The following TLK1 variants were observed in gnomAD, a reference collection of about 807,000 sequenced individuals.
TLK1 encodes the protein serine/threonine-protein kinase tousled-like 1.
Under a neutral mutation model 105.3 loss-of-function variants are expected in TLK1, and 24 were observed. That is an observed-to-expected ratio of 0.23 (90% CI 0.17 to 0.32). TLK1 has a LOEUF of 0.32. TLK1 is among the 10% of genes least tolerant of loss of function. The pLI is 1.00. For missense variants in TLK1, 558 were observed against 910.5 expected, an observed-to-expected ratio of 0.61 and a Z score of 4.98; for synonymous variants, 321 against 310.4, an observed-to-expected ratio of 1.03 and a Z score of -0.36.
At chr2:171,027,263 C>CTA in intron 12 of TLK1, among the ~76,000 whole-genome samples, 1 of 151,984 alleles carries the variant, frequency 6.6e-6, no homozygotes, top group South Asian at 2.1e-4. Flanking sequence ...ATAATTCAGC[C>CTA]TATTTAAAAA....
At chr2:171,075,185 A>G (rs1688444422) in intron 3 of TLK1, among the ~76,000 whole-genome samples, 2 of 152,162 alleles carry the variant, frequency 1.3e-5, no homozygotes, top group South Asian at 4.1e-4. Context: ...GCTAAGCACT[A>G]AGCATTAAGA....
At chr2:171,105,282 C>T (rs1178536256) in intron 2 of TLK1, among the ~76,000 whole-genome samples, 1 of 152,190 alleles carries the variant, frequency 6.6e-6, no homozygotes, top group African/African-American at 2.4e-5. Flanking sequence ...TTACAAGGAA[C>T]TCAAACAACT....
At chr2:171,012,687 C>T (rs113257222) in intron 13 of TLK1, among the ~76,000 whole-genome samples, 10,076 of 152,160 alleles carry the variant, frequency 0.066, 428 homozygotes, top group South Asian at 0.16. Flanking sequence ...CCATATTGGC[C>T]AGGCTGGTCT....
Position 171,003,520 on chromosome 2 carries a change from T to C in TLK1, c.1904+2627A>G, listed in dbSNP as rs185640848. 2.4e-3 allele frequency among the ~76,000 whole-genome samples: 369 copies of C among 152,296 alleles called. 1 individual carries two copies. Among genetic ancestry groups the C allele is most frequent in the Non-Finnish European group, 4.3e-3 (291 of 68,020 alleles). On this transcript the variant is annotated intron_variant, in intron 18 of 20. Coordinates refer to ENST00000431350, the MANE Select transcript of TLK1 (RefSeq NM_012290.5). ...TTGAGAGCACTTCCATCATTACTGG[T>C]GTTATTCAAGGTTGACAATATTGCA...
At chr2:171,042,832 A>C (rs2105417112) in intron 11 of TLK1, among the ~76,000 whole-genome samples, 1 of 152,326 alleles carries the variant, frequency 6.6e-6, no homozygotes, top group South Asian at 2.1e-4. Context: ...AAGTCACAGA[A>C]GCAAGAAAGC....
chr2:171,174,269 C>T (rs1321828963), intron 1 of TLK1, among the ~76,000 whole-genome samples: 1 of 152,092 alleles, frequency 6.6e-6, no homozygotes, highest in Non-Finnish European at 1.5e-5. Flanking sequence ...CCTTTGCCTT[C>T]CTCCAGCTTG....
At chr2:171,146,577 A>G (rs1389478971) in intron 1 of TLK1, among the ~76,000 whole-genome samples, 1 of 152,224 alleles carries the variant, frequency 6.6e-6, no homozygotes, top group African/African-American at 2.4e-5. Flanking sequence ...CATCACTACC[A>G]TATATTCTCA....
intron 2 of TLK1, among the ~76,000 whole-genome samples, chr2:171,087,019 G>A (rs949181047): frequency 1.3e-5 from 2 of 152,148 alleles, no homozygotes; most frequent in African/African-American, 4.8e-5. Flanking sequence ...GGGAGACATA[G>A]CTTAAATTTC....
chr2:171,071,000 G>T (rs1300405783), intron 3 of TLK1, among the ~76,000 whole-genome samples: 3 of 152,092 alleles, frequency 2.0e-5, no homozygotes, highest in African/African-American at 7.2e-5. Flanking sequence ...TTGTAATTTT[G>T]ATTTGCATGT....
chr2:171,118,796 T>C (rs1269198750), intron 1 of TLK1, among the ~76,000 whole-genome samples: 4 of 152,190 alleles, frequency 2.6e-5, no homozygotes, highest in Admixed American at 2.6e-4. Flanking sequence ...ACTAGCCCCT[T>C]CCACACATCC....
intron 2 of TLK1, among the ~76,000 whole-genome samples, chr2:171,107,825 G>A (rs925226138): frequency 6.6e-6 from 1 of 152,104 alleles, no homozygotes; most frequent in African/African-American, 2.4e-5. Flanking sequence ...CTGGGAGGCC[G>A]ACGTGGGCGA....
Position 171,133,935 on chromosome 2 carries a change from G to A in TLK1, c.140-16078C>T, listed in dbSNP as rs373111100. ...ACTGCAGCCTCACTCTCCGGCTCAA[G>A]CAATCCTCCCACCTTCTCCCAAGTA... On this transcript the variant is annotated intron_variant, in intron 1 of 20. Transcript: ENST00000431350. Among the ~76,000 whole-genome samples the A allele has an allele frequency of 4.6e-4, 70 of 152,044 alleles. No homozygotes were observed. In the South Asian group the frequency reaches 0.015, roughly 32 times the overall value.
rs1180088211 is a variant in TLK1, at chr2:171,084,780, A to G, written c.259-1928T>C. ...TATTACAAAAAGGACTCAAGACATGAAACAACTATATAAATCAGATTTCAA... is the reference window on the plus strand; with the variant it reads ...TATTACAAAAAGGACTCAAGACATGGAACAACTATATAAATCAGATTTCAA... On this transcript the variant is annotated intron_variant, in intron 2 of 20. Coordinates refer to ENST00000431350, the MANE Select transcript of TLK1 (RefSeq NM_012290.5). Among the ~76,000 whole-genome samples, 5 of 152,218 alleles carry G rather than the reference A, an allele frequency of 3.3e-5. No individual in the cohort carries two copies. The East Asian group carries it at 9.6e-4, about 29-fold the overall frequency.
chr2:171,061,695 A>G (rs949965445), intron 3 of TLK1, among the ~76,000 whole-genome samples: 4 of 152,372 alleles, frequency 2.6e-5, no homozygotes, highest in South Asian at 2.1e-4. Context: ...TATGCCCCAG[A>G]TAACGGATCA....
chr2:171,091,486 A>G (rs1190281769), intron 2 of TLK1: 1 of 152,186 alleles, frequency 6.6e-6, no homozygotes, highest in Non-Finnish European at 1.5e-5. Context: ...ATTTCATGAC[A>G]GCAACATAGT....
At chr2:171,055,516 TTA>T (rs1478506820) in intron 6 of TLK1, among the ~76,000 whole-genome samples, 1 of 151,908 alleles carries the variant, frequency 6.6e-6, no homozygotes, top group Non-Finnish European at 1.5e-5. Flanking sequence ...TAAACAATGA[TTA>T]TGATAGTTGA....
intron 1 of TLK1, among the ~76,000 whole-genome samples, chr2:171,217,537 G>A (rs994792577): frequency 1.1e-4 from 16 of 152,182 alleles, no homozygotes; most frequent in South Asian, 2.1e-4. Context: ...GGTATGAAAA[G>A]CAGACAGCAG....
intron 1 of TLK1, among the ~76,000 whole-genome samples, chr2:171,222,111 C>T (rs1357918188): frequency 6.6e-6 from 1 of 152,110 alleles, no homozygotes; most frequent in Non-Finnish European, 1.5e-5. Flanking sequence ...GATGCATGAT[C>T]CTTCAATTCT....
chr2:171,109,576 C>G (rs994708403), intron 2 of TLK1, among the ~76,000 whole-genome samples: 3 of 152,186 alleles, frequency 2.0e-5, no homozygotes, highest in African/African-American at 7.2e-5. Flanking sequence ...AGTTCTTATA[C>G]AGGTACAAAC....
Sources: allele counts gnomAD v4.1 joint callset (sites outside exome capture counted in the v4.1 genomes callset), GRCh38; gene constraint gnomAD v4.1.1; transcripts MANE v1.5; gene names NCBI Gene and HGNC (gene_info 2026-07-23, HGNC 2026-07-21).